The following MAP3K12 variants were observed in gnomAD, a reference collection of about 807,000 sequenced individuals.
MAP3K12 encodes the protein MAPK-upstream kinase.
MAP3K12 carries 14 observed loss-of-function variants against 87.5 expected under a neutral mutation model. The observed-to-expected ratio is 0.16, with a 90% CI of 0.11 to 0.25. The LOEUF (loss-of-function observed/expected upper bound fraction) is 0.25, where lower values mean the gene tolerates loss of function less well. Among genes scored for constraint, MAP3K12 ranks in the 10% least tolerant of loss-of-function variants. MAP3K12 has a pLI of 1.00. For synonymous variants in MAP3K12, 469 were observed against 452.5 expected (o/e 1.04, Z -0.46); for missense variants, 802 against 1,140.4 (o/e 0.70, Z 4.27).
chr12:53,487,323 C>T lies in MAP3K12; in HGVS notation c.69G>A (p.Glu23=), dbSNP rs1182611149. The T allele has an allele frequency of 1.9e-6, 3 of 1,614,044 alleles. No homozygotes were observed. The highest frequency in any genetic ancestry group is 2.5e-6 in the Non-Finnish European group (3 of 1,179,984). Residue 23 remains glutamate, a synonymous_variant, in exon 2 of 14, where the codon GAG becomes GAA. Transcript: ENST00000547488. ...CTGGGTCCAGCTTGCGCATGGATGC[C>T]TCACTTAGGGTAGACACAAAGCCCC... ...SFGGFVSTLS[E]ASMRKLDPDT...
At chr12:53,484,846 TAA>T (rs1189616998) in intron 6 of MAP3K12, 5 of 614,148 alleles carry the variant, frequency 8.1e-6, no homozygotes, top group African/African-American at 7.4e-5. Context: ...CAGATATCGT[TAA>T]GTGTATTTTA....
In MAP3K12 at chr12:53,483,134, C is replaced by T. The variant is rs1432088359; in HGVS notation, c.1669G>A (p.Gly557Arg). ...LLPKLDAALS[G>R]VGLPGCPKGP... ...TTAGGACACCCAGGAAGCCCCACCC[C>T]ACTCAGGGCTGCATCTAGTTTAGGG... Residue 557 changes from glycine (G) to arginine (R), a missense_variant, in exon 11 of 14, where the codon GGG becomes AGG. This residue lies in a region of MAP3K12 where 490 missense variants were observed against 496.6 expected (regional missense o/e 0.99). Coordinates refer to ENST00000547488, the MANE Select transcript of MAP3K12 (RefSeq NM_001193511.2). The T allele has an allele frequency of 1.3e-6, 2 of 1,520,264 alleles. No individual in the cohort carries two copies. The highest frequency in any genetic ancestry group is 1.8e-6 in the Non-Finnish European group (2 of 1,136,350). The allele number at this position is 1,520,264 out of a possible 1,614,324, so 94.2% of individuals were successfully genotyped here.
At chr12:53,485,808 G>A (rs1463006073) in intron 4 of MAP3K12, 8 of 528,176 alleles carry the variant, frequency 1.5e-5, no homozygotes, top group South Asian at 7.3e-5. Flanking sequence ...CACCCGCCTC[G>A]GCCTCCCAAA....
At chr12:53,485,535 CAGCAACTCT>C in intron 4 of MAP3K12, 60 bp from the exon 5 acceptor site, 28 of 1,548,548 alleles carry the variant, frequency 1.8e-5, no homozygotes, top group Non-Finnish European at 2.4e-5. Context: ...TCTAACTCTG[CAGCAACTCT>C]GCCTTTCAGG....
chr12:53,488,692 A>G (rs1260725486), intron 1 of MAP3K12, among the ~76,000 whole-genome samples: 3 of 151,982 alleles, frequency 2.0e-5, no homozygotes, highest in African/African-American at 4.8e-5. Context: ...AAAAGCAACC[A>G]TTAAAAAACC....
In MAP3K12 at chr12:53,486,260, C is replaced by T. The variant is rs747295533; in HGVS notation, c.630-13G>A. Reference sequence around the variant, plus strand: ...GGTGCACACACCCCTGGGAGCCAAACAATGGTATGAAGGCCTCAGCTGGCT... The same window carrying T: ...GGTGCACACACCCCTGGGAGCCAAATAATGGTATGAAGGCCTCAGCTGGCT... On this transcript the variant is annotated splice_polypyrimidine_tract_variant and intron_variant, in intron 3 of 13. Transcript: ENST00000547488. The surrounding 1 kb of genome is among the most constrained non-coding windows in gnomAD (Gnocchi z 4.9). The T allele has an allele frequency of 3.1e-6, 5 of 1,591,524 alleles. No homozygotes were observed. In the South Asian group the frequency reaches 3.4e-5, roughly 11 times the overall value.
At chr12:53,482,254 G>T in intron 12 of MAP3K12, 43 bp from the exon 13 acceptor site, 1 of 1,614,116 alleles carries the variant, frequency 6.2e-7, no homozygotes, top group Non-Finnish European at 8.5e-7. Flanking sequence ...TCTGCCCCTA[G>T]CAGAAAACAA....
chr12:53,495,387 C>T (rs896331646), intron 1 of MAP3K12, among the ~76,000 whole-genome samples: 1 of 138,798 alleles, frequency 7.2e-6, no homozygotes, highest in Non-Finnish European at 1.5e-5. Context: ...CAGTTGCTCA[C>T]GCCTGTAATC....
In MAP3K12 at chr12:53,484,261, G is replaced by T; in HGVS notation, c.1244C>A (p.Ser415Tyr). ...LSTPQETYFK[S>Y]QAEWREEVKL... ...ATTTTCCTACCCACAGCACACCTGG[G>T]ACTTAAAGTAAGTCTCCTGGGGTGT... Residue 415 changes from serine to tyrosine, a missense_variant, in exon 7 of 14, where the codon TCC becomes TAC. Transcript: ENST00000547488. 1 of 1,613,266 alleles carries T rather than the reference G, an allele frequency of 6.2e-7. No homozygotes were observed. The highest frequency in any genetic ancestry group is 1.1e-5 in the South Asian group (1 of 91,028).
intron 6 of MAP3K12, 52 bp downstream of exon 6, chr12:53,485,004 C>T: frequency 6.2e-7 from 1 of 1,609,306 alleles, no homozygotes; most frequent in Middle Eastern, 1.7e-4. Flanking sequence ...CCCAGTACTA[C>T]CGTGCTTCTC....
intron 1 of MAP3K12, among the ~76,000 whole-genome samples, chr12:53,493,316 C>T (rs974140937): frequency 1.3e-5 from 2 of 152,132 alleles, no homozygotes; most frequent in African/African-American, 2.4e-5. Context: ...CCCCACCCAG[C>T]GGTCTGCCCC....
intron 1 of MAP3K12, among the ~76,000 whole-genome samples, chr12:53,495,134 T>TG (rs906149007): frequency 2.6e-5 from 4 of 152,010 alleles, no homozygotes; most frequent in African/African-American, 9.6e-5. Flanking sequence ...GGTCAGGAGA[T>TG]GGAGACCATC....
In MAP3K12 at chr12:53,484,891, A is replaced by G. The variant is rs115887407; in HGVS notation, c.1139+165T>C. 9.7e-4 allele frequency: 764 copies of G among 788,798 alleles called. 2 individuals are homozygous for G. The African/African-American group carries it at 0.012, about 13-fold the overall frequency. 48.9% of individuals were successfully genotyped at this position (788,798 alleles called of 1,614,324 possible). ...GGAAACAGGTTCAGAGTAGATACCA[A>G]TTACCCCTGGTGACTCAGCTCAGAA... On this transcript the variant is annotated intron_variant, in intron 6 of 13. Coordinates refer to ENST00000547488, the MANE Select transcript of MAP3K12 (RefSeq NM_001193511.2).
intron 4 of MAP3K12, 34 bp from the exon 5 acceptor site, chr12:53,485,509 C>T (rs543692306): frequency 1.9e-6 from 3 of 1,601,534 alleles, no homozygotes; most frequent in Admixed American, 3.4e-5. Context: ...GGGTCCACAC[C>T]CCTCCACACA....
rs1484639225 is a variant in MAP3K12 at position 53,482,968 on chromosome 12, C to T, written c.1835G>A (p.Gly612Asp). 2.5e-6 allele frequency: 4 copies of T among 1,587,338 alleles called. No homozygotes were observed. The South Asian group carries it at 3.4e-5, about 13-fold the overall frequency. ...CCAGGCTGAGGGTCCCCCTCCTAGG[C>T]CCCCTGGGCTTCCTGGTCCTCCAGG... The part of the protein sequence containing the change: ...HEPGGPGSPG[G>D]LGGGPSAWEA... Residue 612 changes from glycine to aspartate, a missense_variant, in exon 11 of 14, where the codon GGC becomes GAC. By Grantham distance (94) the Gly-to-Asp change is moderately conservative. This residue lies in a region of MAP3K12 where 490 missense variants were observed against 496.6 expected (regional missense o/e 0.99). Coordinates refer to ENST00000547488, the MANE Select transcript of MAP3K12 (RefSeq NM_001193511.2).
In MAP3K12 at chr12:53,482,345, C is replaced by T; in HGVS notation, c.2263G>A (p.Glu755Lys). The change falls in exon 12 of 14, where the codon GAG becomes AAG. Residue 755 changes from glutamate (E) to lysine (K), a missense_variant. Coordinates refer to ENST00000547488, the MANE Select transcript of MAP3K12 (RefSeq NM_001193511.2). ...SQKRGISSEE[E>K]EGEVDSEVEL... ...ACTTCACTGTCTACCTCTCCTTCCT[C>T]CTCTTCCGATGAGATGCCACGTTTC... 1.2e-6 allele frequency: 2 copies of T among 1,614,098 alleles called. No homozygotes were observed. Among genetic ancestry groups the T allele is most frequent in the Non-Finnish European group, 1.7e-6 (2 of 1,180,034 alleles).
Position 53,489,325 on chromosome 12 carries a change from C to G in MAP3K12, c.-37-1897G>C, listed in dbSNP as rs568200615. 2.6e-5 allele frequency among the ~76,000 whole-genome samples: 4 copies of G among 151,524 alleles called. No individual in the cohort carries two copies. In the East Asian group the frequency reaches 5.8e-4, roughly 22 times the overall value. ...AGTAGCCAAACCCCGTCTCAAAAAA[C>G]AAACAAACAAACAAAAACCCTGAAT... On this transcript the variant is annotated intron_variant, in intron 1 of 13. Coordinates refer to ENST00000547488, the MANE Select transcript of MAP3K12 (RefSeq NM_001193511.2).
Position 53,481,995 on chromosome 12 carries a change from A to G in MAP3K12, c.2526T>C (p.Pro842=). ...PLDPPPSEVI[P]GPEPSSLPIP... ...TGGGCAGGGAGCTGGGTTCAGGGCC[A>G]GGGATGACCTCTGAAGGAGGTGGGT... The change falls in exon 13 of 14, where the codon CCT becomes CCC. Residue 842 remains proline (P), a synonymous_variant. Coordinates refer to ENST00000547488, the MANE Select transcript of MAP3K12 (RefSeq NM_001193511.2). The G allele has an allele frequency of 6.2e-7, 1 of 1,614,224 alleles. No individual in the cohort carries two copies. Among genetic ancestry groups the G allele is most frequent in the South Asian group, 1.1e-5 (1 of 91,090 alleles).
At chr12:53,497,157 A>G (rs1037574757) in intron 1 of MAP3K12, among the ~76,000 whole-genome samples, 1 of 152,238 alleles carries the variant, frequency 6.6e-6, no homozygotes, top group Non-Finnish European at 1.5e-5. Context: ...TGATAACACT[A>G]TCTCACTTGG....
Sources: gnomAD v4.1 joint callset for allele counts (sites outside exome capture counted in the v4.1 genomes callset) on GRCh38, gnomAD v4.1.1 for gene constraint, gnomAD v4.1.1 regional missense constraint, Gnocchi (gnomAD v3.1) non-coding constraint, MANE v1.5 for transcripts, NCBI Gene and HGNC (gene_info 2026-07-23, HGNC 2026-07-21) for gene names.